Variants in RAPGEF6 observed in about 807,000 individuals in gnomAD.
The protein encoded by RAPGEF6 is Rap guanine nucleotide exchange factor 6.
RAPGEF6 carries 56 observed loss-of-function variants against 171.4 expected under a neutral mutation model. The observed-to-expected ratio is 0.33, with a 90% CI of 0.26 to 0.41. The LOEUF (loss-of-function observed/expected upper bound fraction) is 0.41. RAPGEF6 is among the 10% of genes least tolerant of loss of function. The probability of loss-of-function intolerance (pLI) is 1.00; values close to 1 mark genes in which losing one functional copy is unlikely to be tolerated. For synonymous variants in RAPGEF6, 692 were observed against 650.1 expected (o/e 1.06, Z -0.98); for missense variants, 1,674 against 1,921.4 (o/e 0.87, Z 2.41).
intron 11 of RAPGEF6, among the ~76,000 whole-genome samples, chr5:131,502,170 C>A (rs1051452160): frequency 6.6e-6 from 1 of 152,020 alleles, no homozygotes; most frequent in African/African-American, 2.4e-5. Context: ...TAAGTTTATA[C>A]CAATATAAAT....
At chr5:131,549,447 A>T (rs1294165597) in intron 5 of RAPGEF6, among the ~76,000 whole-genome samples, 2 of 152,184 alleles carry the variant, frequency 1.3e-5, no homozygotes, top group African/African-American at 4.8e-5. Context: ...AATTCTATAT[A>T]TGTCATGTAT....
chr5:131,579,160 T>G (rs762890872), intron 4 of RAPGEF6, among the ~76,000 whole-genome samples: 1 of 151,728 alleles, frequency 6.6e-6, no homozygotes, highest in South Asian at 2.1e-4. Flanking sequence ...ACCTCTGGAG[T>G]TGTTCGCTCC....
chr5:131,467,074 C>A (rs1754405368), intron 17 of RAPGEF6, among the ~76,000 whole-genome samples: 1 of 152,120 alleles, frequency 6.6e-6, no homozygotes, highest in African/African-American at 2.4e-5. Context: ...GGGAGATGTT[C>A]TGATACCTTT....
chr5:131,494,274 C>T (rs923125409), intron 13 of RAPGEF6, among the ~76,000 whole-genome samples: 2 of 152,166 alleles, frequency 1.3e-5, no homozygotes. Context: ...TACTTATTTC[C>T]TAAAATTTCA....
At chr5:131,433,828 TC>T (rs1751862004) in intron 24 of RAPGEF6, among the ~76,000 whole-genome samples, 170 bp from the exon 25 acceptor site, 1 of 151,922 alleles carries the variant, frequency 6.6e-6, no homozygotes, top group African/African-American at 2.4e-5. Flanking sequence ...CTCCACACAT[TC>T]CCCTACATAA....
rs751000560 is a variant in RAPGEF6, at chr5:131,484,222, C to CTTTT, written c.1841-4473_1841-4470dup. Among the ~76,000 whole-genome samples the CTTTT allele has an allele frequency of 1.9e-3, 138 of 74,110 alleles. 9 individuals carry two copies. The highest frequency in any genetic ancestry group is 3.9e-3 in the African/African-American group (63 of 16,236). 48.6% of individuals were successfully genotyped at this position (74,110 alleles called of 152,430 possible). A position where few individuals can be genotyped will look rare whatever the true frequency, so the allele number is the denominator to read the frequency against. On this transcript the variant is annotated intron_variant, in intron 15 of 27. Transcript: ENST00000509018. ...AGACTGATTATACCCACTGCAGAGG[C>CTTTT]TTTTTTTTTTTTTTTTTTTTTTTGA...
At chr5:131,430,416 T>C (rs774332185) in intron 26 of RAPGEF6, among the ~76,000 whole-genome samples, 10 of 152,210 alleles carry the variant, frequency 6.6e-5, no homozygotes, top group Non-Finnish European at 1.0e-4. Flanking sequence ...AAAAATGTTC[T>C]GGACTTCCTG....
intron 21 of RAPGEF6, among the ~76,000 whole-genome samples, chr5:131,452,417 T>C (rs1753157506): frequency 6.6e-6 from 1 of 152,054 alleles, no homozygotes; most frequent in Admixed American, 6.5e-5. Context: ...ATTCTGTTCA[T>C]TTGTATGTAA....
Position 131,499,581 on chromosome 5 carries a change from CAAAAAAAA to C in RAPGEF6, c.1255-982_1255-975del, listed in dbSNP as rs375534138. On this transcript the variant is annotated intron_variant, in intron 11 of 27. Coordinates refer to ENST00000509018, the MANE Select transcript of RAPGEF6 (RefSeq NM_016340.6). ...GGGCGACAAGAGCGAGACTTTGTCT[CAAAAAAAA>C]AAAAAAAAAAAAAAGAATATAAACA... Among the ~76,000 whole-genome samples, 448 of 87,564 alleles carry C rather than the reference CAAAAAAAA, an allele frequency of 5.1e-3. 3 individuals carry two copies. Among genetic ancestry groups the C allele is most frequent in the African/African-American group, 0.02 (424 of 21,116 alleles). The allele number at this position is 87,564 out of a possible 152,430, so 57.4% of individuals were successfully genotyped here.
intron 1 of RAPGEF6, among the ~76,000 whole-genome samples, chr5:131,621,546 G>GC (rs908767595): frequency 2.0e-5 from 3 of 151,982 alleles, no homozygotes; most frequent in Non-Finnish European, 2.9e-5. Context: ...ATCCACTTCA[G>GC]CCCCCAATGT....
chr5:131,491,989 T>G (rs1355852208), intron 14 of RAPGEF6, among the ~76,000 whole-genome samples: 1 of 152,210 alleles, frequency 6.6e-6, no homozygotes, highest in Non-Finnish European at 1.5e-5. Flanking sequence ...GTAACAAAGT[T>G]GCCAGCAGAT....
chr5:131,529,089 C>T (rs1313464056), intron 6 of RAPGEF6, among the ~76,000 whole-genome samples: 1 of 151,406 alleles, frequency 6.6e-6, no homozygotes, highest in Non-Finnish European at 1.5e-5. Flanking sequence ...CTAAGAACCA[C>T]TTAAGTCAAC....
intron 1 of RAPGEF6, among the ~76,000 whole-genome samples, chr5:131,620,078 C>T (rs1425441550): frequency 1.3e-5 from 2 of 152,284 alleles, no homozygotes; most frequent in Admixed American, 6.5e-5. Context: ...TAGCTTTCTG[C>T]GGCGGCTGCT....
chr5:131,628,286 TA>T (rs1004851560), intron 1 of RAPGEF6, among the ~76,000 whole-genome samples: 29 of 149,708 alleles, frequency 1.9e-4, no homozygotes, highest in East Asian at 9.8e-4. Context: ...AAAAATGATT[TA>T]AAAAAAAAAA....
At chr5:131,619,794 G>A (rs11950815) in intron 1 of RAPGEF6, among the ~76,000 whole-genome samples, 37,276 of 151,842 alleles carry the variant, frequency 0.25, 6,040 homozygotes, top group Non-Finnish European at 0.37. Flanking sequence ...CTGGATTCTC[G>A]TCTTAATGAG....
intron 18 of RAPGEF6, chr5:131,463,719 C>T (rs1349286877): frequency 6.1e-6 from 6 of 985,850 alleles, no homozygotes; most frequent in Non-Finnish European, 7.3e-6. Flanking sequence ...AGAAAAAGAA[C>T]TGTGAAAACC....
At chr5:131,632,789 G>A (rs1049557539) in intron 1 of RAPGEF6, among the ~76,000 whole-genome samples, 2 of 152,142 alleles carry the variant, frequency 1.3e-5, no homozygotes, top group South Asian at 2.1e-4. Context: ...ATCATCACTA[G>A]GATTCAGATT....
intron 19 of RAPGEF6, among the ~76,000 whole-genome samples, chr5:131,461,436 G>T (rs951960495): frequency 6.6e-6 from 1 of 152,124 alleles, no homozygotes; most frequent in Non-Finnish European, 1.5e-5. Flanking sequence ...CACTCAAGGC[G>T]GGGGGTTGGA....
chr5:131,529,130 G>T (rs1212338419), intron 6 of RAPGEF6, among the ~76,000 whole-genome samples: 2 of 148,758 alleles, frequency 1.3e-5, no homozygotes, highest in Non-Finnish European at 3.0e-5. Context: ...AACTCAATTT[G>T]ATTTCTCTCT....
Sources: allele counts gnomAD v4.1 joint callset (sites outside exome capture counted in the v4.1 genomes callset), GRCh38; gene constraint gnomAD v4.1.1; transcripts MANE v1.5; gene names NCBI Gene and HGNC (gene_info 2026-07-23, HGNC 2026-07-21).